Variants in ERBB4 observed in about 807,000 individuals in gnomAD.
The protein encoded by ERBB4 is receptor tyrosine-protein kinase erbB-4.
A neutral mutation model predicts 158.0 loss-of-function variants in ERBB4; 42 were observed. That is an observed-to-expected ratio of 0.27 (90% CI 0.21 to 0.34). ERBB4 has a LOEUF of 0.34. ERBB4 is among the 10% of genes least tolerant of loss of function. The probability of loss-of-function intolerance (pLI) is 1.00; values close to 1 mark genes in which losing one functional copy is unlikely to be tolerated. For synonymous variants in ERBB4, 583 were observed against 558.7 expected (o/e 1.04, Z -0.61); for missense variants, 1,333 against 1,624.1 (o/e 0.82, Z 3.08).
chr2:212,403,234 G>C (rs1354071398), intron 1 of ERBB4, among the ~76,000 whole-genome samples: 1 of 151,950 alleles, frequency 6.6e-6, no homozygotes, highest in Non-Finnish European at 1.5e-5. Context: ...CATTTCTCTG[G>C]CTGCAAAAAG....
chr2:211,704,236 T>C (rs2106046708), intron 10 of ERBB4, 42 bp from the exon 11 acceptor site: 3 of 1,255,832 alleles, frequency 2.4e-6, no homozygotes, highest in Middle Eastern at 1.9e-4. Context: ...AATATCATTG[T>C]CTTAGTATTA....
intron 20 of ERBB4, among the ~76,000 whole-genome samples, chr2:211,488,418 T>C (rs1335188302): frequency 6.6e-6 from 1 of 152,112 alleles, no homozygotes; most frequent in Non-Finnish European, 1.5e-5. Context: ...ATTGTCCTGC[T>C]CATCACTGTA....
intron 19 of ERBB4, among the ~76,000 whole-genome samples, chr2:211,600,177 G>T (rs2068758156): frequency 6.6e-6 from 1 of 152,104 alleles, no homozygotes; most frequent in Admixed American, 6.5e-5. Context: ...ACAAAACAAG[G>T]TCAGAAGGAG....
chr2:211,540,255 T>C (rs2066764962), intron 20 of ERBB4, among the ~76,000 whole-genome samples: 1 of 151,568 alleles, frequency 6.6e-6, no homozygotes, highest in Non-Finnish European at 1.5e-5. Context: ...GTATATTTAT[T>C]TTGAGCACCT....
Position 211,987,330 on chromosome 2 carries a change from CAAA to C in ERBB4, c.235-39717_235-39715del, listed in dbSNP as rs564412801. Among the ~76,000 whole-genome samples, 114 of 56,186 alleles carry C rather than the reference CAAA, an allele frequency of 2.0e-3. 3 individuals carry two copies. Among genetic ancestry groups the C allele is most frequent in the African/African-American group, 4.4e-3 (101 of 23,212 alleles). 36.9% of individuals were successfully genotyped at this position (56,186 alleles called of 152,430 possible). A position where few individuals can be genotyped will look rare whatever the true frequency, so the allele number is the denominator to read the frequency against. On this transcript the variant is annotated intron_variant, in intron 2 of 27. Coordinates refer to ENST00000342788, the MANE Select transcript of ERBB4 (RefSeq NM_005235.3). ...AGGGAGACTCCATCTCAAGAAAAGACAAAAAAAAAAAAAAGAAAGAAATCTATC... is the reference window on the plus strand; with the variant it reads ...AGGGAGACTCCATCTCAAGAAAAGACAAAAAAAAAAAGAAAGAAATCTATC...
Position 211,383,689 on chromosome 2 carries a change from G to A in ERBB4, c.3853C>T (p.Leu1285Phe), listed in dbSNP as rs2062619163. The A allele has an allele frequency of 6.2e-7, 1 of 1,613,856 alleles. No individual in the cohort carries two copies. Among genetic ancestry groups the A allele is most frequent in the Admixed American group, 1.7e-5 (1 of 59,994 alleles). The part of the protein sequence containing the change: ...RPIVAENPEY[L>F]SEFSLKPGTV... ...CCTGGCTTCAGGGAGAACTCAGAGA[G>A]GTATTCAGGATTCTCTGCCACAATA... is the stretch of plus-strand genomic sequence containing the variant. The change falls in exon 28 of 28, where the codon CTC becomes TTC. Residue 1285 changes from leucine to phenylalanine, a missense_variant. Leu to Phe is a conservative substitution (Grantham distance 22). This residue lies in a region of ERBB4 where 84 missense variants were observed against 110.8 expected (regional missense o/e 0.76). Coordinates refer to ENST00000342788, the MANE Select transcript of ERBB4 (RefSeq NM_005235.3).
chr2:212,450,819 G>A (rs1466727708), intron 1 of ERBB4, among the ~76,000 whole-genome samples: 3 of 118,720 alleles, frequency 2.5e-5, no homozygotes, highest in Non-Finnish European at 1.7e-5. Context: ...GATTTCAGCC[G>A]AGAAAAAAAA....
At chr2:212,446,230 T>C (rs1022844206) in intron 1 of ERBB4, among the ~76,000 whole-genome samples, 1 of 152,008 alleles carries the variant, frequency 6.6e-6, no homozygotes, top group Non-Finnish European at 1.5e-5. Context: ...TCAACTTGAT[T>C]GGATTGAAGG....
intron 1 of ERBB4, among the ~76,000 whole-genome samples, chr2:212,259,474 C>A (rs1231615885): frequency 6.6e-6 from 1 of 152,104 alleles, no homozygotes; most frequent in African/African-American, 2.4e-5. Context: ...CATGTGAATA[C>A]ATTTATTGGT....
At chr2:212,285,519 T>C (rs2085927118) in intron 1 of ERBB4, among the ~76,000 whole-genome samples, 1 of 151,906 alleles carries the variant, frequency 6.6e-6, no homozygotes, top group South Asian at 2.1e-4. Flanking sequence ...GAAGACTGAA[T>C]AGAGTAGTGG....
In ERBB4 at chr2:211,955,577, T is replaced by A. The variant is rs2081005347; in HGVS notation, c.235-7961A>T. Among the ~76,000 whole-genome samples, 4 of 152,146 alleles carry A rather than the reference T, an allele frequency of 2.6e-5. No homozygotes were observed. The South Asian group carries it at 8.3e-4, about 32-fold the overall frequency. ...TACCTTGAGTTTCTATACAGCAAAC[T>A]GTGACCTAATTAGTATATAAACAAA... On this transcript the variant is annotated intron_variant, in intron 2 of 27. Coordinates refer to ENST00000342788, the MANE Select transcript of ERBB4 (RefSeq NM_005235.3).
chr2:212,227,016 C>T (rs1266465619), intron 1 of ERBB4, among the ~76,000 whole-genome samples: 1 of 152,032 alleles, frequency 6.6e-6, no homozygotes, highest in East Asian at 1.9e-4. Flanking sequence ...AAGGCCGAGG[C>T]TGGCAGAACG....
At position 212,370,780 on chromosome 2, in the gene ERBB4, T is replaced by C. The variant is rs934232440; in HGVS notation, c.82+167669A>G. Among the ~76,000 whole-genome samples the C allele has an allele frequency of 1.8e-4, 27 of 152,270 alleles. No individual in the cohort carries two copies. In the South Asian group the frequency reaches 4.1e-3, roughly 23 times the overall value. ...CACTGATTCCCTTAAACAATGAAGG[T>C]ATCCACATAGTTTTAACCATAATGT... On this transcript the variant is annotated intron_variant, in intron 1 of 27. Transcript: ENST00000342788.
At chr2:212,125,823 T>C (rs2079908102) in intron 1 of ERBB4, among the ~76,000 whole-genome samples, 1 of 152,228 alleles carries the variant, frequency 6.6e-6, no homozygotes, top group Admixed American at 6.5e-5. Flanking sequence ...CTATTATTGA[T>C]GGGCATTTAG....
chr2:212,331,167 T>C (rs1005547514), intron 1 of ERBB4, among the ~76,000 whole-genome samples: 4 of 149,196 alleles, frequency 2.7e-5, no homozygotes, highest in Admixed American at 6.9e-5. Flanking sequence ...TAACACTTAT[T>C]GACAGACCAC....
At position 211,497,080 on chromosome 2, in the gene ERBB4, T is replaced by G. The variant is rs147723447; in HGVS notation, c.2487+64823A>C. On this transcript the variant is annotated intron_variant, in intron 20 of 27. Transcript: ENST00000342788. ...GGTATAGTAGGCACTTAATAAATAT[T>G]TATTGAATGCATGCATGAGCAGAAT... Among the ~76,000 whole-genome samples, 303 of 152,228 alleles carry G rather than the reference T, an allele frequency of 2.0e-3. 2 individuals are homozygous for G. Among genetic ancestry groups the G allele is most frequent in the Middle Eastern group, 0.014 (4 of 294 alleles).
chr2:211,604,875 C>G (rs1159530304), intron 19 of ERBB4, among the ~76,000 whole-genome samples: 1 of 152,060 alleles, frequency 6.6e-6, no homozygotes, highest in African/African-American at 2.4e-5. Context: ...ATATATAACC[C>G]TTTAGAAATC....
At chr2:211,669,231 A>G (rs1414234965) in intron 14 of ERBB4, among the ~76,000 whole-genome samples, 4 of 143,850 alleles carry the variant, frequency 2.8e-5, no homozygotes, top group East Asian at 1.9e-4. Context: ...AAAAAAAAAA[A>G]AAAAAAAGAA....
chr2:211,730,545 T>G lies in ERBB4; in HGVS notation c.623-5351A>C, dbSNP rs568879681. Among the ~76,000 whole-genome samples the G allele has an allele frequency of 2.0e-5, 3 of 152,132 alleles. No homozygotes were observed. In the South Asian group the frequency reaches 6.2e-4, roughly 32 times the overall value. On this transcript the variant is annotated intron_variant, in intron 5 of 27. Transcript: ENST00000342788. ...TCTAACCAGTGGTTCTGAACTGGGT[T>G]GTATATTAGATCAACTAACAGTCTT...
Sources: gnomAD v4.1 joint callset for allele counts (sites outside exome capture counted in the v4.1 genomes callset) on GRCh38, gnomAD v4.1.1 for gene constraint, gnomAD v4.1.1 regional missense constraint, MANE v1.5 for transcripts, NCBI Gene and HGNC (gene_info 2026-07-23, HGNC 2026-07-21) for gene names.